GNG7: variants seen among roughly 807,000 people sequenced by gnomAD.
GNG7 encodes G protein subunit gamma 7.
In GNG7, 1 loss-of-function variant was observed where a neutral mutation model predicts 4.0. The observed-to-expected ratio is 0.25, with a 90% CI of 0.09 to 1.18. The LOEUF is 1.18. GNG7 is among the 50% of genes most tolerant of loss of function. The probability of loss-of-function intolerance (pLI) is 0.50; values close to 1 mark genes in which losing one functional copy is unlikely to be tolerated. For synonymous variants in GNG7, 34 were observed against 36.9 expected, an observed-to-expected ratio of 0.92 and a Z score of 0.29; for missense variants, 86 against 91.9, an observed-to-expected ratio of 0.94 and a Z score of 0.26.
intron 1 of GNG7, among the ~76,000 whole-genome samples, chr19:2,647,214 A>T (rs531289286): frequency 6.7e-6 from 1 of 149,642 alleles, no homozygotes; most frequent in African/African-American, 2.5e-5. Flanking sequence ...GAATCCTGGC[A>T]TGGGTCAGGC....
At chr19:2,659,677 GGA>G (rs1983096673) in intron 1 of GNG7, among the ~76,000 whole-genome samples, 2 of 143,558 alleles carry the variant, frequency 1.4e-5, no homozygotes, top group Admixed American at 7.0e-5. Context: ...AGAAAGGGTG[GGA>G]GAGAGAGGAA....
intron 2 of GNG7, among the ~76,000 whole-genome samples, chr19:2,565,284 G>T (rs1055514839): frequency 6.6e-6 from 1 of 152,120 alleles, no homozygotes; most frequent in Non-Finnish European, 1.5e-5. Flanking sequence ...GGCCGAGGCG[G>T]GTGGATCATG....
rs1235653306 is a variant in GNG7 at position 2,609,134 on chromosome 19, C to T, written c.-78+37090G>A. Among the ~76,000 whole-genome samples the T allele has an allele frequency of 6.6e-6, 1 of 151,994 alleles. No homozygotes were observed. The highest frequency in any genetic ancestry group is 1.5e-5 in the Non-Finnish European group (1 of 68,010). ...CTCTGCCTCTCAGGTTCAAGCAATCCTCCTGCCTTAGCCTCCCGAGTAGCT... is the reference window on the plus strand; with the variant it reads ...CTCTGCCTCTCAGGTTCAAGCAATCTTCCTGCCTTAGCCTCCCGAGTAGCT... On this transcript the variant is annotated intron_variant, in intron 2 of 4. Coordinates refer to ENST00000382159, the MANE Select transcript of GNG7 (RefSeq NM_052847.3). The surrounding 1 kb of genome is among the most constrained non-coding windows in gnomAD (Gnocchi z 4.4).
chr19:2,604,403 C>T (rs1254959417), intron 2 of GNG7, among the ~76,000 whole-genome samples: 4 of 148,636 alleles, frequency 2.7e-5, no homozygotes, highest in African/African-American at 5.0e-5. Flanking sequence ...ACCAGGAAGT[C>T]GAGGCTGCAG....
intron 2 of GNG7, among the ~76,000 whole-genome samples, chr19:2,641,140 G>A (rs959705833): frequency 2.6e-5 from 4 of 152,212 alleles, no homozygotes; most frequent in Admixed American, 6.5e-5. Flanking sequence ...TCAGCCCTGC[G>A]ATGGCCAGAG....
At chr19:2,682,280 T>C (rs1034880519) in intron 1 of GNG7, among the ~76,000 whole-genome samples, 1 of 152,150 alleles carries the variant, frequency 6.6e-6, no homozygotes, top group African/African-American at 2.4e-5. Context: ...GCCGGAGTTT[T>C]ACCTGGAAAA....
intron 3 of GNG7, among the ~76,000 whole-genome samples, chr19:2,531,840 T>A (rs1978600486): frequency 6.8e-6 from 1 of 148,072 alleles, no homozygotes; most frequent in Admixed American, 6.8e-5. Context: ...CAGGACCACA[T>A]AAACAAAAAT....
intron 3 of GNG7, among the ~76,000 whole-genome samples, chr19:2,536,075 T>C (rs890058906): frequency 6.6e-6 from 1 of 151,824 alleles, no homozygotes; most frequent in East Asian, 1.9e-4. Context: ...CGGTGAGTTG[T>C]GACCACACCA....
Position 2,595,659 on chromosome 19 carries a change from C to G in GNG7, c.-77-40471G>C, listed in dbSNP as rs191874450. 6.5e-3 allele frequency among the ~76,000 whole-genome samples: 977 copies of G among 149,968 alleles called. 16 individuals are homozygous for G. Among genetic ancestry groups the G allele is most frequent in the African/African-American group, 0.023 (931 of 40,862 alleles). ...CTGAGGCAGGAGAATGGCGTGAACC[C>G]GGGAGGCGGAGCTTGCAGCGAGCCA... On this transcript the variant is annotated intron_variant, in intron 2 of 4. Transcript: ENST00000382159.
intron 2 of GNG7, among the ~76,000 whole-genome samples, chr19:2,627,083 T>C (rs1163173971): frequency 6.6e-6 from 1 of 152,104 alleles, no homozygotes; most frequent in Non-Finnish European, 1.5e-5. Context: ...TGGATTTCAA[T>C]GTGTGCAGCC....
intron 3 of GNG7, among the ~76,000 whole-genome samples, chr19:2,531,781 A>T (rs1216428827): frequency 3.3e-5 from 5 of 151,566 alleles, no homozygotes; most frequent in African/African-American, 4.9e-5. Flanking sequence ...AAAAAAAAAA[A>T]AAAATGCACA....
At chr19:2,600,648 T>G (rs554412847) in intron 2 of GNG7, among the ~76,000 whole-genome samples, 1 of 151,550 alleles carries the variant, frequency 6.6e-6, no homozygotes, top group Non-Finnish European at 1.5e-5. Flanking sequence ...TTTTTTTTTT[T>G]AATTTTTAGT....
At chr19:2,518,802 G>GT (rs1386140412) in intron 4 of GNG7, among the ~76,000 whole-genome samples, 2 of 151,464 alleles carry the variant, frequency 1.3e-5, no homozygotes, top group Admixed American at 6.6e-5. Context: ...TTTTGTTTTT[G>GT]TTTTTTTTCT....
chr19:2,666,310 T>G (rs144622726), intron 1 of GNG7, among the ~76,000 whole-genome samples: 3 of 151,948 alleles, frequency 2.0e-5, no homozygotes, highest in Non-Finnish European at 2.9e-5. Flanking sequence ...GTAGCTGGGA[T>G]TACAGGCACC....
rs188641040 is a variant in GNG7, at chr19:2,683,146, C to T, written c.-135+19500G>A. Among the ~76,000 whole-genome samples the T allele has an allele frequency of 3.6e-3, 547 of 151,740 alleles. 2 individuals carry two copies. Among genetic ancestry groups the T allele is most frequent in the Middle Eastern group, 0.01 (3 of 294 alleles). On this transcript the variant is annotated intron_variant, in intron 1 of 4. Coordinates refer to ENST00000382159, the MANE Select transcript of GNG7 (RefSeq NM_052847.3). ...CCCAGCTACTCGGGACGCTGAGGCA[C>T]GAGAATCGCTTGAACCCGGGAGGCA... is the stretch of plus-strand genomic sequence containing the variant.
In GNG7 at chr19:2,539,323, T is replaced by G. The variant is rs11880578; in HGVS notation, c.-38+15826A>C. Reference sequence around the variant, plus strand: ...TATATACCAACTTTTTTTTTTTTTTTGGATGGTGTTTCCCTCTTGTCACCC... The same window carrying G: ...TATATACCAACTTTTTTTTTTTTTTGGGATGGTGTTTCCCTCTTGTCACCC... On this transcript the variant is annotated intron_variant, in intron 3 of 4. Coordinates refer to ENST00000382159, the MANE Select transcript of GNG7 (RefSeq NM_052847.3). Among the ~76,000 whole-genome samples the G allele has an allele frequency of 5.3e-3, 784 of 147,664 alleles. 5 individuals are homozygous for G. The highest frequency in any genetic ancestry group is 0.016 in the African/African-American group (648 of 39,768).
At chr19:2,689,215 A>G (rs1913077591) in intron 1 of GNG7, among the ~76,000 whole-genome samples, 1 of 151,908 alleles carries the variant, frequency 6.6e-6, no homozygotes, top group South Asian at 2.1e-4. Context: ...AAAGGGGGAA[A>G]AAAATGCCAA....
At chr19:2,643,570 C>T (rs1265975186) in intron 2 of GNG7, 2 of 436,584 alleles carry the variant, frequency 4.6e-6, no homozygotes, top group East Asian at 7.5e-5. Flanking sequence ...GAGACCTCTC[C>T]GGACTCTGCA....
intron 1 of GNG7, among the ~76,000 whole-genome samples, chr19:2,696,165 AAAAGAGAG>A (rs1162294192): frequency 2.7e-5 from 4 of 149,782 alleles, no homozygotes; most frequent in Admixed American, 6.7e-5. Context: ...AAAAAAAAAG[AAAAGAGAG>A]AAAGAGAGAG....
Sources: allele counts gnomAD v4.1 joint callset (sites outside exome capture counted in the v4.1 genomes callset), GRCh38; gene constraint gnomAD v4.1.1; non-coding constraint Gnocchi (gnomAD v3.1); transcripts MANE v1.5; gene names NCBI Gene and HGNC (gene_info 2026-07-23, HGNC 2026-07-21).